The following ZNF438 variants were observed in gnomAD, a reference collection of about 807,000 sequenced individuals.
ZNF438 encodes zinc finger protein 438.
ZNF438 carries 25 observed loss-of-function variants against 38.0 expected under a neutral mutation model. That is an observed-to-expected ratio of 0.66 (90% CI 0.48 to 0.92). The LOEUF is 0.92. ZNF438 is among the 40% of genes least tolerant of loss of function. The pLI is 0.00. For missense variants in ZNF438, 1,007 were observed against 999.6 expected (o/e 1.01, Z -0.10); for synonymous variants, 372 against 364.1 (o/e 1.02, Z -0.25).
intron 1 of ZNF438, among the ~76,000 whole-genome samples, chr10:30,975,298 T>C (rs1200041568): frequency 6.6e-6 from 1 of 152,132 alleles, no homozygotes; most frequent in Non-Finnish European, 1.5e-5. Flanking sequence ...GAGAATGAAG[T>C]TGGTGCCCAT....
At chr10:30,968,731 C>T (rs1008195671) in intron 1 of ZNF438, among the ~76,000 whole-genome samples, 131 of 152,078 alleles carry the variant, frequency 8.6e-4, no homozygotes, top group African/African-American at 3.0e-3. Context: ...CGTGAGCCAC[C>T]GTGCCCAGCC....
intron 1 of ZNF438, among the ~76,000 whole-genome samples, chr10:31,031,014 G>A (rs1174864647): frequency 6.6e-6 from 1 of 152,192 alleles, no homozygotes; most frequent in Non-Finnish European, 1.5e-5. Context: ...AGAGTACCGT[G>A]CTAACGATAC....
intron 1 of ZNF438, among the ~76,000 whole-genome samples, chr10:31,013,181 C>T (rs189595558): frequency 1.2e-4 from 18 of 152,206 alleles, no homozygotes; most frequent in African/African-American, 2.2e-4. Flanking sequence ...TAGCCGCGCG[C>T]GGTGGCGGGC....
At chr10:31,025,251 T>C (rs1301590160) in intron 1 of ZNF438, among the ~76,000 whole-genome samples, 1 of 152,252 alleles carries the variant, frequency 6.6e-6, no homozygotes, top group Non-Finnish European at 1.5e-5. Context: ...TCAGGAGTAC[T>C]GACATTTTGA....
At chr10:30,953,243 G>A (rs1221842893) in intron 1 of ZNF438, among the ~76,000 whole-genome samples, 1 of 150,512 alleles carries the variant, frequency 6.6e-6, no homozygotes, top group Non-Finnish European at 1.5e-5. Context: ...CACACTCTGG[G>A]GACTGTTGTG....
intron 1 of ZNF438, among the ~76,000 whole-genome samples, chr10:30,950,284 C>A (rs2048011750): frequency 6.6e-6 from 1 of 151,982 alleles, no homozygotes; most frequent in Non-Finnish European, 1.5e-5. Context: ...TAAATGCCCA[C>A]AAGAGAAAGC....
upstream of ZNF438, chr10:31,031,965 ACACGCCCCCGAGCTC>A (rs2057326253): frequency 6.6e-6 from 1 of 151,446 alleles, no homozygotes; most frequent in Non-Finnish European, 1.5e-5. Flanking sequence ...GCGGCGGGAG[ACACGCCCCCGAGCTC>A]CACGCCCTCG....
chr10:30,990,642 C>T (rs1444061723), intron 1 of ZNF438, among the ~76,000 whole-genome samples: 1 of 152,156 alleles, frequency 6.6e-6, no homozygotes, highest in Non-Finnish European at 1.5e-5. Flanking sequence ...AGTTCATGGA[C>T]AGCTGCCAAT....
At chr10:30,963,392 C>CAAAAA (rs753557823) in intron 1 of ZNF438, among the ~76,000 whole-genome samples, 9 of 86,028 alleles carry the variant, frequency 1.0e-4, no homozygotes, top group East Asian at 3.6e-4. Flanking sequence ...AACTCCATCT[C>CAAAAA]AAAAAAAAAA....
chr10:31,023,446 C>T (rs1183296487), intron 1 of ZNF438, among the ~76,000 whole-genome samples: 1 of 152,014 alleles, frequency 6.6e-6, no homozygotes, highest in Non-Finnish European at 1.5e-5. Context: ...AAAAATAATC[C>T]TTGAGGCAGC....
At chr10:30,925,381 G>T (rs2044793812) in intron 2 of ZNF438, among the ~76,000 whole-genome samples, 1 of 152,050 alleles carries the variant, frequency 6.6e-6, no homozygotes, top group Non-Finnish European at 1.5e-5. Flanking sequence ...CTACTACAGA[G>T]ATAACAATAC....
chr10:30,884,108 G>T (rs2039634769), intron 3 of ZNF438, among the ~76,000 whole-genome samples: 1 of 151,102 alleles, frequency 6.6e-6, no homozygotes, highest in African/African-American at 2.5e-5. Context: ...TATTTTCATT[G>T]TTTTGAAATA....
intron 3 of ZNF438, among the ~76,000 whole-genome samples, chr10:30,892,986 C>T (rs2040883117): frequency 6.6e-6 from 1 of 152,180 alleles, no homozygotes; most frequent in African/African-American, 2.4e-5. Flanking sequence ...ACAGTGTGCA[C>T]CCTTGCATGT....
chr10:31,010,052 T>A (rs1019721366), intron 1 of ZNF438, among the ~76,000 whole-genome samples: 1 of 152,088 alleles, frequency 6.6e-6, no homozygotes, highest in African/African-American at 2.4e-5. Context: ...TTTCACCATA[T>A]CGGCCAGGCT....
At chr10:30,861,874 C>T (rs2035640027) in intron 4 of ZNF438, among the ~76,000 whole-genome samples, 1 of 152,168 alleles carries the variant, frequency 6.6e-6, no homozygotes, top group South Asian at 2.1e-4. Context: ...AGTATCTTTA[C>T]TCAAATCTAA....
At chr10:30,933,990 C>A (rs1413664439) in intron 2 of ZNF438, among the ~76,000 whole-genome samples, 1 of 151,902 alleles carries the variant, frequency 6.6e-6, no homozygotes, top group East Asian at 1.9e-4. Context: ...ACTAAAAATA[C>A]AAAAAATTAG....
intron 1 of ZNF438, among the ~76,000 whole-genome samples, chr10:31,001,865 C>G (rs1316974979): frequency 3.3e-5 from 5 of 152,146 alleles, no homozygotes; most frequent in Non-Finnish European, 5.9e-5. Context: ...CAAGAACTCC[C>G]CAGCCAAGTG....
At chr10:30,972,579 G>A (rs1589504329) in intron 1 of ZNF438, among the ~76,000 whole-genome samples, 1 of 152,216 alleles carries the variant, frequency 6.6e-6, no homozygotes, top group East Asian at 1.9e-4. Flanking sequence ...GCCTTTTGTG[G>A]CTCAGGCATG....
At chr10:30,929,281 C>T (rs147824408) in intron 2 of ZNF438, among the ~76,000 whole-genome samples, 7 of 152,148 alleles carry the variant, frequency 4.6e-5, no homozygotes, top group South Asian at 2.1e-4. Context: ...TCTTACAGGT[C>T]GTGTGTTCGG....
Sources: allele counts gnomAD v4.1 joint callset (sites outside exome capture counted in the v4.1 genomes callset), GRCh38; gene constraint gnomAD v4.1.1; transcripts MANE v1.5; gene names NCBI Gene and HGNC (gene_info 2026-07-23, HGNC 2026-07-21).